SMARCA2: variants seen among roughly 807,000 people sequenced by gnomAD.
SMARCA2 encodes SWI/SNF related BAF chromatin remodeling complex subunit ATPase 2, also known as SWI/SNF-related matrix-associated actin-dependent regulator of chromatin subfamily A member 2.
Under a neutral mutation model 199.8 loss-of-function variants are expected in SMARCA2, and 61 were observed. The observed-to-expected ratio is 0.31, with a 90% CI of 0.25 to 0.38. SMARCA2 has a LOEUF of 0.38. SMARCA2 is among the 10% of genes least tolerant of loss of function. The pLI, the probability that SMARCA2 is intolerant of heterozygous loss-of-function variation, is 1.00. For missense variants in SMARCA2, 1,344 were observed against 2,012.2 expected (o/e 0.67, Z 6.35); for synonymous variants, 935 against 732.0 (o/e 1.28, Z -4.48).
intron 21 of SMARCA2, among the ~76,000 whole-genome samples, chr9:2,101,308 G>C (rs1586705886): frequency 6.6e-6 from 1 of 152,226 alleles, no homozygotes; most frequent in East Asian, 1.9e-4. Flanking sequence ...TGGGTGCTCA[G>C]TGACTGTGTG....
At chr9:2,019,130 G>A (rs1172723131) in intron 1 of SMARCA2, among the ~76,000 whole-genome samples, 7 of 150,170 alleles carry the variant, frequency 4.7e-5, no homozygotes, top group African/African-American at 1.7e-4. Context: ...TATTGCGGTA[G>A]ACTGAGGGGA....
intron 15 of SMARCA2, 57 bp from the exon 16 acceptor site, chr9:2,083,290 A>C: frequency 8.7e-7 from 1 of 1,146,584 alleles, no homozygotes; most frequent in Non-Finnish European, 1.3e-6. Context: ...CATCTTTTTA[A>C]CCATTGATTT....
intron 3 of SMARCA2, among the ~76,000 whole-genome samples, chr9:2,034,643 C>T (rs566556045): frequency 6.6e-6 from 1 of 152,322 alleles, no homozygotes; most frequent in Non-Finnish European, 1.5e-5. Flanking sequence ...GATCAGCTAT[C>T]CATCCACTCG....
At chr9:2,132,056 C>T (rs1322564773) in intron 27 of SMARCA2, among the ~76,000 whole-genome samples, 9 of 152,216 alleles carry the variant, frequency 5.9e-5, no homozygotes, top group Non-Finnish European at 1.3e-4. Flanking sequence ...TAATACCAAG[C>T]TGCAATAAGC....
Position 2,189,221 on chromosome 9 carries a change from A to G in SMARCA2, c.4595-2045A>G, listed in dbSNP as rs140571937. Among the ~76,000 whole-genome samples, 978 of 152,294 alleles carry G rather than the reference A, an allele frequency of 6.4e-3. 4 individuals are homozygous for G. The highest frequency in any genetic ancestry group is 0.022 in the African/African-American group (902 of 41,558). ...TCTGTCCACCACACTTGGTAGCTAG[A>G]ACTTTTCATAGGTGCATATGGTTGT... is the stretch of plus-strand genomic sequence containing the variant. On this transcript the variant is annotated intron_variant, in intron 32 of 33. Coordinates refer to ENST00000349721, the MANE Select transcript of SMARCA2 (RefSeq NM_003070.5).
intron 9 of SMARCA2, among the ~76,000 whole-genome samples, chr9:2,068,684 T>G (rs896091432): frequency 1.3e-5 from 2 of 152,134 alleles, no homozygotes; most frequent in African/African-American, 2.4e-5. Flanking sequence ...GGAGGAAAGC[T>G]CATTTTCTCA....
At chr9:2,167,089 G>A (rs897951962) in intron 28 of SMARCA2, among the ~76,000 whole-genome samples, 1 of 152,148 alleles carries the variant, frequency 6.6e-6, no homozygotes, top group African/African-American at 2.4e-5. Flanking sequence ...ATTGAAATTG[G>A]GACATTTGCT....
chr9:2,174,809 A>G (rs1328513323), intron 29 of SMARCA2, among the ~76,000 whole-genome samples: 1 of 151,470 alleles, frequency 6.6e-6, no homozygotes, highest in East Asian at 1.9e-4. Flanking sequence ...AGTCCTGGCT[A>G]CTTAGGAGGC....
rs1398208151 is a variant in SMARCA2, at chr9:2,110,589, G to A, written c.3456+172G>A. On this transcript the variant is annotated intron_variant, in intron 24 of 33. Transcript: ENST00000349721. This position sits in a 1 kb window ranked among gnomAD's most constrained non-coding sequence, Gnocchi z 4.8. The stretch of plus-strand genomic sequence containing the variant: ...CTTATCTCCCTTAGAGCATAGATAC[G>A]AGGTCCCACATATGCCTTTGAAGAG... 6.6e-6 allele frequency among the ~76,000 whole-genome samples: 1 copy of A among 152,172 alleles called. No individual in the cohort carries two copies. Among genetic ancestry groups the A allele is most frequent in the South Asian group, 2.1e-4 (1 of 4,828 alleles).
In SMARCA2 at chr9:2,161,598, G is replaced by C. The variant is rs1484521815; in HGVS notation, c.3982-88G>C. The C allele has an allele frequency of 1.2e-6, 1 of 831,762 alleles. No individual in the cohort carries two copies. The highest frequency in any genetic ancestry group is 1.7e-5 in the African/African-American group (1 of 57,666). The allele number at this position is 831,762 out of a possible 1,614,324, so 51.5% of individuals were successfully genotyped here. A position where few individuals can be genotyped will look rare whatever the true frequency, so the allele number is the denominator to read the frequency against. ...TAATTTCTTTCATTTTATTCTAATT[G>C]TTGGAGCTATATATAAATATACACA... On this transcript the variant is annotated intron_variant, in intron 27 of 33. Transcript: ENST00000349721. The surrounding 1 kb of genome is among the most constrained non-coding windows in gnomAD (Gnocchi z 4.7).
At chr9:2,020,897 T>C (rs1818573258) in intron 1 of SMARCA2, among the ~76,000 whole-genome samples, 1 of 152,194 alleles carries the variant, frequency 6.6e-6, no homozygotes, top group African/African-American at 2.4e-5. Flanking sequence ...TACAAGATTT[T>C]GGCCTGAAAC....
At chr9:2,088,141 C>A (rs1434783524) in intron 18 of SMARCA2, among the ~76,000 whole-genome samples, 1 of 152,212 alleles carries the variant, frequency 6.6e-6, no homozygotes, top group South Asian at 2.1e-4. Context: ...AAATAGGGAA[C>A]ATATTAACTG....
rs974031532 is a variant in SMARCA2 at position 2,119,898 on chromosome 9, C to T, written c.3762+363C>T. On this transcript the variant is annotated intron_variant, in intron 26 of 33. Coordinates refer to ENST00000349721, the MANE Select transcript of SMARCA2 (RefSeq NM_003070.5). This position sits in a 1 kb window ranked among gnomAD's most constrained non-coding sequence, Gnocchi z 4.6. ...CTCGCGGTCTACAGCTTACCATAGA[C>T]GCCCTCCTGTTCCCAGTTCGTTTCT... Among the ~76,000 whole-genome samples, 15 of 152,304 alleles carry T rather than the reference C, an allele frequency of 9.8e-5. No homozygotes were observed. The highest frequency in any genetic ancestry group is 3.9e-4 in the Admixed American group (6 of 15,296).
chr9:2,103,669 A>T (rs936820449), intron 22 of SMARCA2, among the ~76,000 whole-genome samples: 1 of 151,632 alleles, frequency 6.6e-6, no homozygotes, highest in Non-Finnish European at 1.5e-5. Context: ...TGTGAGAGAG[A>T]GAGAGAGAGA....
At chr9:2,135,506 C>T (rs974285536) in intron 27 of SMARCA2, among the ~76,000 whole-genome samples, 16 of 152,066 alleles carry the variant, frequency 1.1e-4, no homozygotes, top group South Asian at 2.1e-4. Context: ...CTAAGACATG[C>T]GTTGAGTTAT....
chr9:2,135,743 A>G (rs918832580), intron 27 of SMARCA2, among the ~76,000 whole-genome samples: 1 of 152,152 alleles, frequency 6.6e-6, no homozygotes, highest in Non-Finnish European at 1.5e-5. Context: ...GGGTTTCGCC[A>G]TGTTGGTCAG....
At position 2,117,690 on chromosome 9, in the gene SMARCA2, C is replaced by T. The variant is rs1412337139; in HGVS notation, c.3684+1641C>T. Among the ~76,000 whole-genome samples, 6 of 152,270 alleles carry T rather than the reference C, an allele frequency of 3.9e-5. No homozygotes were observed. The East Asian group carries it at 7.7e-4, about 20-fold the overall frequency. Reference sequence around the variant, plus strand: ...CTGGAGTTTTCCAGCCTTCCTAAGCCGCAGGGAGTTGCTGATCTCCCCTGG... The same window carrying T: ...CTGGAGTTTTCCAGCCTTCCTAAGCTGCAGGGAGTTGCTGATCTCCCCTGG... On this transcript the variant is annotated intron_variant, in intron 25 of 33. Transcript: ENST00000349721.
intron 4 of SMARCA2, 78 bp from the exon 5 acceptor site, chr9:2,047,151 G>C: frequency 2.0e-6 from 2 of 991,868 alleles, no homozygotes; most frequent in Non-Finnish European, 2.4e-6. Flanking sequence ...ACTGGGCCCC[G>C]GGGGGCGGCG....
At chr9:2,038,891 C>G (rs1819451967) in intron 3 of SMARCA2, among the ~76,000 whole-genome samples, 2 of 152,116 alleles carry the variant, frequency 1.3e-5, no homozygotes, top group Non-Finnish European at 2.9e-5. Context: ...TAATAATAAA[C>G]CAAGTGTTCG....
Sources: gnomAD v4.1 joint callset for allele counts (sites outside exome capture counted in the v4.1 genomes callset) on GRCh38, gnomAD v4.1.1 for gene constraint, Gnocchi (gnomAD v3.1) non-coding constraint, MANE v1.5 for transcripts, NCBI Gene and HGNC (gene_info 2026-07-23, HGNC 2026-07-21) for gene names.